The following CARMIL3 variants were observed in gnomAD, a reference collection of about 807,000 sequenced individuals.
CARMIL3 encodes capping protein, Arp2/3 and myosin-I linker protein 3.
Under a neutral mutation model 180.8 loss-of-function variants are expected in CARMIL3, and 88 were observed. The observed-to-expected ratio is 0.49, with a 90% confidence interval of 0.41 to 0.58. The LOEUF (loss-of-function observed/expected upper bound fraction) is 0.58. Ranked by LOEUF, CARMIL3 falls within the 20% of genes least tolerant of loss-of-function variation. The pLI is 0.00. For synonymous variants in CARMIL3, 696 were observed against 714.5 expected, an observed-to-expected ratio of 0.97 and a Z score of 0.41; for missense variants, 1,548 against 1,787.0, an observed-to-expected ratio of 0.87 and a Z score of 2.41.
In CARMIL3 at chr14:24,058,606, C is replaced by T. The variant is rs2035698591; in HGVS notation, c.1393-74C>T. 11 of 1,218,310 alleles carry T rather than the reference C, an allele frequency of 9.0e-6. No homozygotes were observed. Among genetic ancestry groups the T allele is most frequent in the Non-Finnish European group, 1.3e-5 (11 of 844,334 alleles). 75.5% of individuals were successfully genotyped at this position (1,218,310 alleles called of 1,614,324 possible). On this transcript the variant is annotated intron_variant, in intron 17 of 39. Transcript: ENST00000342740. The surrounding 1 kb of genome is among the most constrained non-coding windows in gnomAD (Gnocchi z 6.4). ...ATGACTTTGAGTTCTGGTGTGACTA[C>T]TATATCCTAAGCATTAAAGGTGCCC...
rs1472875664 is a variant in CARMIL3 at position 24,054,037 on chromosome 14, A to T, written c.136-51A>T. The T allele has an allele frequency of 6.3e-7, 1 of 1,599,786 alleles. No individual in the cohort carries two copies. Among genetic ancestry groups the T allele is most frequent in the African/African-American group, 1.3e-5 (1 of 74,556 alleles). On this transcript the variant is annotated intron_variant, in intron 2 of 39. Coordinates refer to ENST00000342740, the MANE Select transcript of CARMIL3 (RefSeq NM_138360.4). This position sits in a 1 kb window ranked among gnomAD's most constrained non-coding sequence, Gnocchi z 5.1. ...TGAAGGGCTTAAGGAGGGCAGGGCC[A>T]CCAAGGCCCAGCAGCTGCCATGAGC...
In CARMIL3 at chr14:24,068,866, G is replaced by T. The variant is rs1330853127; in HGVS notation, c.3882G>T (p.Gly1294=). The T allele has an allele frequency of 6.2e-7, 1 of 1,612,732 alleles. No individual in the cohort carries two copies. Among genetic ancestry groups the T allele is most frequent in the African/African-American group, 1.3e-5 (1 of 75,040 alleles). The change falls in exon 38 of 40, where the codon GGG becomes GGT. Residue 1294 remains glycine (G), a synonymous_variant. Transcript: ENST00000342740. ...PRGRQPPQEP[G]VREEAEAGDA... ...GCCGCCAGCCTCCCCAGGAGCCAGG[G>T]GTCAGGGAGGAGGCTGAGGCTGGAG...
intron 14 of CARMIL3, 63 bp downstream of exon 14, chr14:24,057,307 G>A (rs914902476): frequency 2.7e-6 from 4 of 1,468,938 alleles, no homozygotes; most frequent in Non-Finnish European, 3.8e-6. Context: ...GTGGGCCTCG[G>A]TCTCACCCCC....
chr14:24,055,900 C>T, intron 10 of CARMIL3, 111 bp downstream of exon 10: 1 of 1,053,798 alleles, frequency 9.5e-7, no homozygotes, highest in Non-Finnish European at 1.4e-6. Context: ...GTGCCTCTCT[C>T]TACAGAAGAG....
chr14:24,065,861 G>C (rs1382309432), intron 34 of CARMIL3, 111 bp downstream of exon 34: 4 of 1,465,914 alleles, frequency 2.7e-6, no homozygotes, highest in Non-Finnish European at 3.7e-6. Context: ...AGATGCTTTG[G>C]CATTAGAAGA....
chr14:24,058,664 C>T lies in CARMIL3; in HGVS notation c.1393-16C>T. ...ACCCCAACCCCTGCCTTCCCTACCT[C>T]ACCTTGTCCCTGCAGCTCCGTTCAG... On this transcript the variant is annotated splice_polypyrimidine_tract_variant and intron_variant, in intron 17 of 39. Coordinates refer to ENST00000342740, the MANE Select transcript of CARMIL3 (RefSeq NM_138360.4). This position sits in a 1 kb window ranked among gnomAD's most constrained non-coding sequence, Gnocchi z 6.4. The T allele has an allele frequency of 6.2e-7, 1 of 1,613,114 alleles. No individual in the cohort carries two copies.
chr14:24,063,869 G>A (rs549751941), intron 31 of CARMIL3, among the ~76,000 whole-genome samples: 60 of 151,732 alleles, frequency 4.0e-4, no homozygotes, highest in African/African-American at 1.3e-3. Context: ...GCTGAGGCGG[G>A]CAGATCACGA....
chr14:24,067,221 T>C (rs1261503025), intron 36 of CARMIL3, among the ~76,000 whole-genome samples: 3 of 152,230 alleles, frequency 2.0e-5, no homozygotes, highest in South Asian at 2.1e-4. Flanking sequence ...TCTGGCCCCA[T>C]GACCGGAGGA....
rs753815169 is a variant in CARMIL3, at chr14:24,066,408, C to G, written c.3536C>G (p.Pro1179Arg). 9.3e-6 allele frequency: 15 copies of G among 1,614,214 alleles called. No individual in the cohort carries two copies. Among genetic ancestry groups the G allele is most frequent in the Non-Finnish European group, 1.3e-5 (15 of 1,180,028 alleles). Residue 1179 changes from proline to arginine, a missense_variant, in exon 35 of 40, where the codon CCA becomes CGA. Physicochemically the swap from Pro to Arg is moderately radical, Grantham distance 103. Around this residue, in one of 4 missense-constraint regions of CARMIL3, gnomAD observed 668 missense variants for 687.8 expected, o/e 0.97. Coordinates refer to ENST00000342740, the MANE Select transcript of CARMIL3 (RefSeq NM_138360.4). ...SFDGKREGPG[P>R]DQEGSTQAWQ... ...CCACTGTTCTTTCAGGGCCCAGGCC[C>G]AGACCAGGAGGGCAGCACCCAGGCC...
At chr14:24,057,557 T>A (rs2035684460) in intron 14 of CARMIL3, among the ~76,000 whole-genome samples, 8 of 152,076 alleles carry the variant, frequency 5.3e-5, no homozygotes. Flanking sequence ...TGGCCCTGGC[T>A]TTACACATCC....
chr14:24,069,372 C>T lies in CARMIL3; in HGVS notation c.4094-7C>T, dbSNP rs552112361. On this transcript the variant is annotated splice_polypyrimidine_tract_variant and splice_region_variant and intron_variant, in intron 39 of 39. Transcript: ENST00000342740. ...GAAACAGGGCTCCCTGGATTTGTCCCCAGCAGGAACCAGTGAGCCAGGAAC... is the reference window on the plus strand; with the variant it reads ...GAAACAGGGCTCCCTGGATTTGTCCTCAGCAGGAACCAGTGAGCCAGGAAC... 2 of 1,614,150 alleles carry T rather than the reference C, an allele frequency of 1.2e-6. No individual in the cohort carries two copies. Among genetic ancestry groups the T allele is most frequent in the South Asian group, 2.2e-5 (2 of 91,086 alleles).
chr14:24,057,110 G>A, intron 13 of CARMIL3, 57 bp from the exon 14 acceptor site: 2 of 1,598,194 alleles, frequency 1.3e-6, no homozygotes, highest in Non-Finnish European at 1.7e-6. Flanking sequence ...ATGGCCTCTG[G>A]GGGTGGCGAG....
At position 24,060,039 on chromosome 14, in the gene CARMIL3, G is replaced by A; in HGVS notation, c.1938G>A (p.Glu646=). Residue 646 remains glutamate (E), a synonymous_variant, in exon 23 of 40, where the codon GAG becomes GAA. Transcript: ENST00000342740. The part of the protein sequence containing the change: ...DISQAYRSAP[E]RTEDVWQKIQ... Reference sequence around the variant, plus strand: ...CCCAAGCCTATCGCAGCGCGCCTGAGCGCACCGAGGACGTCTGGCAGAAGG... The same window carrying A: ...CCCAAGCCTATCGCAGCGCGCCTGAACGCACCGAGGACGTCTGGCAGAAGG... 18 of 1,613,980 alleles carry A rather than the reference G, an allele frequency of 1.1e-5. No individual in the cohort carries two copies. The highest frequency in any genetic ancestry group is 1.4e-5 in the Non-Finnish European group (16 of 1,180,036).
intron 25 of CARMIL3, 76 bp downstream of exon 25, chr14:24,060,832 C>T: frequency 1.3e-6 from 2 of 1,563,678 alleles, no homozygotes; most frequent in African/African-American, 1.4e-5. Flanking sequence ...GCCATGACAG[C>T]CCTGCCCTGT....
Position 24,059,782 on chromosome 14 carries a change from C to A in CARMIL3, c.1868+50C>A. 1 of 1,596,846 alleles carries A rather than the reference C, an allele frequency of 6.3e-7. No homozygotes were observed. Among genetic ancestry groups the A allele is most frequent in the South Asian group, 1.1e-5 (1 of 90,486 alleles). On this transcript the variant is annotated intron_variant, in intron 22 of 39. Transcript: ENST00000342740. This position sits in a 1 kb window ranked among gnomAD's most constrained non-coding sequence, Gnocchi z 6.3. ...GATCCAAGTCCCCAGCCTCCCTGTG[C>A]CTGGATCAGGCCTGAACTACTCTTG...
chr14:24,057,948 G>T lies in CARMIL3; in HGVS notation c.1218-12G>T. On this transcript the variant is annotated splice_polypyrimidine_tract_variant and intron_variant, in intron 15 of 39. Transcript: ENST00000342740. ...ACCCCCTCCCTCGCTGACCCCAGGG[G>T]TCTCTCCACAGGAAGGGTCGAGAGG... 8 of 1,613,348 alleles carry T rather than the reference G, an allele frequency of 5.0e-6. No individual in the cohort carries two copies. The highest frequency in any genetic ancestry group is 2.2e-5 in the East Asian group (1 of 44,870).
chr14:24,052,322 G>T, intron 1 of CARMIL3, 129 bp downstream of exon 1: 1 of 901,718 alleles, frequency 1.1e-6, no homozygotes, highest in South Asian at 1.9e-5. Flanking sequence ...CTCCAAGGCA[G>T]CCCCTGCATT....
In CARMIL3 at chr14:24,053,790, A is replaced by C. The variant is rs140544812; in HGVS notation, c.122A>C (p.Glu41Ala). 6.1e-5 allele frequency: 98 copies of C among 1,612,748 alleles called. No individual in the cohort carries two copies. The highest frequency in any genetic ancestry group is 8.0e-5 in the Non-Finnish European group (94 of 1,179,340). The change falls in exon 2 of 40, where the codon GAG becomes GCG. Residue 41 changes from glutamate to alanine, a missense_variant. Physicochemically the swap from Glu to Ala is moderately radical, Grantham distance 107 (BLOSUM62 -1). Coordinates refer to ENST00000342740, the MANE Select transcript of CARMIL3 (RefSeq NM_138360.4). ...TTGGAGACAAAGCCCAAGAAGTTTG[A>C]GGACCGAGTGCTGGTGAGGGCACTG... ...VKLETKPKKF[E>A]DRVLALTSWR...
At position 24,053,744 on chromosome 14, in the gene CARMIL3, C is replaced by T; in HGVS notation, c.76C>T (p.Leu26Phe). 1.9e-6 allele frequency: 3 copies of T among 1,613,658 alleles called. No homozygotes were observed. Among genetic ancestry groups the T allele is most frequent in the Non-Finnish European group, 2.5e-6 (3 of 1,179,740 alleles). Residue 26 changes from leucine to phenylalanine, a missense_variant, in exon 2 of 40, where the codon CTC becomes TTC. Transcript: ENST00000342740. ...GAGGTGCCTGAGCCAAGGGGCCGTG[C>T]TCCAACAACATCATGTGAAGTTGGA... ...IRRCLSQGAVLQQHHVKLETK... is the reference protein window; with the variant it reads ...IRRCLSQGAVFQQHHVKLETK...
Sources: gnomAD v4.1 joint callset for allele counts (sites outside exome capture counted in the v4.1 genomes callset) on GRCh38, gnomAD v4.1.1 for gene constraint, gnomAD v4.1.1 regional missense constraint, Gnocchi (gnomAD v3.1) non-coding constraint, MANE v1.5 for transcripts, NCBI Gene and HGNC (gene_info 2026-07-23, HGNC 2026-07-21) for gene names.